KIAA1549L: variants seen among roughly 807,000 people sequenced by gnomAD.
KIAA1549L encodes KIAA1549 like, also known as UPF0606 protein KIAA1549L.
Under a neutral mutation model 160.7 loss-of-function variants are expected in KIAA1549L, and 88 were observed. The observed-to-expected ratio is 0.55, with a 90% CI of 0.46 to 0.65. KIAA1549L has a LOEUF of 0.65. KIAA1549L is among the 30% of genes least tolerant of loss of function. KIAA1549L has a pLI of 0.00. For synonymous variants in KIAA1549L, 950 were observed against 976.7 expected (o/e 0.97, Z 0.51); for missense variants, 2,258 against 2,437.5 (o/e 0.93, Z 1.55).
At chr11:33,423,540 A>T (rs1173447358) in intron 1 of KIAA1549L, among the ~76,000 whole-genome samples, 1 of 152,236 alleles carries the variant, frequency 6.6e-6, no homozygotes, top group Non-Finnish European at 1.5e-5. Flanking sequence ...TTAACAGCAG[A>T]AACAGTAGCC....
intron 9 of KIAA1549L, among the ~76,000 whole-genome samples, chr11:33,572,057 G>A (rs1233193773): frequency 6.8e-6 from 1 of 147,686 alleles, no homozygotes; most frequent in East Asian, 2.0e-4. Flanking sequence ...TTTTTTTTGA[G>A]ATAAAGTCTC....
intron 1 of KIAA1549L, among the ~76,000 whole-genome samples, chr11:33,393,581 T>A (rs995176275): frequency 1.3e-5 from 2 of 152,218 alleles, no homozygotes; most frequent in African/African-American, 4.8e-5. Context: ...AAGTACCTAG[T>A]GGGACAACTT....
rs1408864253 is a variant in KIAA1549L, at chr11:33,544,151, A to T, written c.2588A>T (p.Asp863Val). The T allele has an allele frequency of 3.1e-6, 5 of 1,613,896 alleles. No individual in the cohort carries two copies. The African/African-American group carries it at 6.7e-5, about 22-fold the overall frequency. ...STGSLQEMLSDGTDTGSEISS... is the reference protein window; with the variant it reads ...STGSLQEMLSVGTDTGSEISS... ...GGTAGCTTGCAGGAAATGCTTTCAG[A>T]TGGAACAGATACAGGTTCTGAAATT... The change falls in exon 2 of 21, where the codon GAT becomes GTT. Residue 863 changes from aspartate (D) to valine (V), a missense_variant. Transcript: ENST00000658780.
chr11:33,602,388 C>G (rs144712587), intron 13 of KIAA1549L, among the ~76,000 whole-genome samples: 31 of 152,302 alleles, frequency 2.0e-4, no homozygotes, highest in Non-Finnish European at 4.3e-4. Flanking sequence ...GAAGTGAAGA[C>G]TTGCTTTATC....
intron 20 of KIAA1549L, among the ~76,000 whole-genome samples, chr11:33,667,485 C>T (rs905721925): frequency 6.6e-6 from 1 of 151,930 alleles, no homozygotes; most frequent in Non-Finnish European, 1.5e-5. Context: ...CTCTGCCTCC[C>T]GGGTTCAAGT....
chr11:33,517,339 A>G (rs545912213), intron 1 of KIAA1549L, among the ~76,000 whole-genome samples: 24 of 152,304 alleles, frequency 1.6e-4, no homozygotes, highest in African/African-American at 5.5e-4. Flanking sequence ...ACGCCTCTGT[A>G]GCTGGGGGAG....
At chr11:33,512,921 C>G (rs1853259812) in intron 1 of KIAA1549L, among the ~76,000 whole-genome samples, 1 of 152,172 alleles carries the variant, frequency 6.6e-6, no homozygotes, top group Non-Finnish European at 1.5e-5. Context: ...TTCTTACCCA[C>G]TGAGACCAAA....
At chr11:33,547,277 G>A (rs1441879861) in intron 3 of KIAA1549L, among the ~76,000 whole-genome samples, 4 of 152,172 alleles carry the variant, frequency 2.6e-5, no homozygotes, top group Admixed American at 6.5e-5. Flanking sequence ...CTCTGGCAGC[G>A]TCCTAGGCTT....
chr11:33,652,866 TC>T, intron 17 of KIAA1549L, among the ~76,000 whole-genome samples: 1 of 152,234 alleles, frequency 6.6e-6, no homozygotes, highest in South Asian at 2.1e-4. Flanking sequence ...CCAGGGCACC[TC>T]CTCCCCAACT....
intron 1 of KIAA1549L, among the ~76,000 whole-genome samples, chr11:33,435,480 TA>T (rs1457964423): frequency 2.0e-5 from 3 of 150,904 alleles, no homozygotes; most frequent in Middle Eastern, 3.2e-3. Flanking sequence ...ACACATGTAT[TA>T]TAGTAGGGAA....
intron 10 of KIAA1549L, among the ~76,000 whole-genome samples, chr11:33,576,241 T>C (rs780534915): frequency 3.9e-5 from 6 of 152,206 alleles, no homozygotes; most frequent in Non-Finnish European, 2.9e-5. Context: ...CTTCCTCTCC[T>C]GCTCAGCTCT....
chr11:33,496,626 C>T (rs998741595), intron 1 of KIAA1549L, among the ~76,000 whole-genome samples: 1 of 152,172 alleles, frequency 6.6e-6, no homozygotes, highest in Non-Finnish European at 1.5e-5. Context: ...TAAGGCTTCC[C>T]AACAACTTGT....
Position 33,574,923 on chromosome 11 carries a change from C to T in KIAA1549L, c.4402+50C>T, listed in dbSNP as rs774416270. The stretch of plus-strand genomic sequence containing the variant: ...GTCTTTTTAATGCCATTAAATGTTT[C>T]CTGAAAATCAAAATGATTCCCCAAA... On this transcript the variant is annotated intron_variant, in intron 10 of 20. Coordinates refer to ENST00000658780, the MANE Select transcript of KIAA1549L (RefSeq NM_012194.3). The T allele has an allele frequency of 4.7e-6, 7 of 1,501,802 alleles. No homozygotes were observed. In the East Asian group the frequency reaches 1.4e-4, roughly 29 times the overall value. The allele number at this position is 1,501,802 out of a possible 1,614,324, so 93.0% of individuals were successfully genotyped here. A position where few individuals can be genotyped will look rare whatever the true frequency, so the allele number is the denominator to read the frequency against.
At chr11:33,660,573 A>AAAAAG (rs1852225130) in intron 19 of KIAA1549L, among the ~76,000 whole-genome samples, 1 of 151,016 alleles carries the variant, frequency 6.6e-6, no homozygotes, top group African/African-American at 2.4e-5. Context: ...TCAAAAAAAA[A>AAAAAG]AAAGAAAGAA....
chr11:33,638,430 A>AT (rs1851499416), intron 16 of KIAA1549L, among the ~76,000 whole-genome samples: 1 of 18,470 alleles, frequency 5.4e-5, no homozygotes, highest in South Asian at 1.1e-3. Context: ...AATAAAAAAA[A>AT]AAAAAATAAA....
At chr11:33,410,207 C>T (rs1224959156) in intron 1 of KIAA1549L, among the ~76,000 whole-genome samples, 1 of 152,122 alleles carries the variant, frequency 6.6e-6, no homozygotes, top group East Asian at 1.9e-4. Flanking sequence ...ACAGAGAGAT[C>T]TATCACAGGC....
chr11:33,587,175 T>G (rs1261979325), intron 11 of KIAA1549L, among the ~76,000 whole-genome samples: 2 of 152,240 alleles, frequency 1.3e-5, no homozygotes, highest in African/African-American at 4.8e-5. Flanking sequence ...TGGCTTTTAT[T>G]GTTACCCATG....
intron 1 of KIAA1549L, among the ~76,000 whole-genome samples, chr11:33,495,440 TA>T (rs1852794184): frequency 6.6e-6 from 1 of 152,068 alleles, no homozygotes; most frequent in Non-Finnish European, 1.5e-5. Context: ...TCCATGTCCC[TA>T]CAAAGGACAT....
At chr11:33,410,313 C>T (rs1301314383) in intron 1 of KIAA1549L, among the ~76,000 whole-genome samples, 1 of 152,010 alleles carries the variant, frequency 6.6e-6, no homozygotes, top group African/African-American at 2.4e-5. Flanking sequence ...TTAGTGTAGA[C>T]CGCATTTGTA....
Sources: gnomAD v4.1 joint callset for allele counts (sites outside exome capture counted in the v4.1 genomes callset) on GRCh38, gnomAD v4.1.1 for gene constraint, MANE v1.5 for transcripts, NCBI Gene and HGNC (gene_info 2026-07-23, HGNC 2026-07-21) for gene names.